Variants in SV2B observed in about 807,000 individuals in gnomAD.
The protein encoded by SV2B is synaptic vesicle glycoprotein 2B.
A neutral mutation model predicts 73.9 loss-of-function variants in SV2B; 41 were observed. The ratio of observed to expected loss-of-function variants is 0.56; its 90% CI spans 0.43 to 0.72. SV2B has a LOEUF of 0.72. Among genes scored for constraint, SV2B ranks in the 30% least tolerant of loss-of-function variants. The pLI is 0.00. For synonymous variants in SV2B, 314 were observed against 314.2 expected, an observed-to-expected ratio of 1.00 and a Z score of 0.01; for missense variants, 764 against 857.8, an observed-to-expected ratio of 0.89 and a Z score of 1.37.
intron 2 of SV2B, 63 bp from the exon 3 acceptor site, chr15:91,251,756 A>G: frequency 6.7e-7 from 1 of 1,493,438 alleles, no homozygotes; most frequent in Non-Finnish European, 9.1e-7. Context: ...TTTTGTAAAC[A>G]TTGTATAGTC....
chr15:91,185,020 C>T (rs540753019), intron 1 of SV2B, among the ~76,000 whole-genome samples: 2 of 152,302 alleles, frequency 1.3e-5, no homozygotes, highest in South Asian at 2.1e-4. Context: ...ATTCTGTCAC[C>T]GGAACTTTCT....
rs1596659535 is a variant in SV2B, at chr15:91,240,378, A to G, written c.452-11441A>G. Among the ~76,000 whole-genome samples, 1 of 152,074 alleles carries G rather than the reference A, an allele frequency of 6.6e-6. No homozygotes were observed. The highest frequency in any genetic ancestry group is 1.5e-5 in the Non-Finnish European group (1 of 68,018). On this transcript the variant is annotated intron_variant, in intron 2 of 12. Coordinates refer to ENST00000394232, the MANE Select transcript of SV2B (RefSeq NM_001323032.3). The surrounding 1 kb of genome is among the most constrained non-coding windows in gnomAD (Gnocchi z 4.6). ...GGCACACAGTAAGGATCCAGTAAATATGAGCTGGTATTTGTATATTTTTAA... is the reference window on the plus strand; with the variant it reads ...GGCACACAGTAAGGATCCAGTAAATGTGAGCTGGTATTTGTATATTTTTAA...
At position 91,254,235 on chromosome 15, in the gene SV2B, T is replaced by TTC. The variant is rs11417412; in HGVS notation, c.784+1716_784+1717insCT. ...AATACTAAGGGATTATTTTCACTTC[T>TTC]TTTTTTTTTTTTTTTTTCTGAGACA... On this transcript the variant is annotated intron_variant, in intron 4 of 12. Coordinates refer to ENST00000394232, the MANE Select transcript of SV2B (RefSeq NM_001323032.3). Among the ~76,000 whole-genome samples, 72 of 100,492 alleles carry TTC rather than the reference T, an allele frequency of 7.2e-4. 2 individuals carry two copies. Among genetic ancestry groups the TTC allele is most frequent in the Admixed American group, 1.7e-3 (20 of 11,610 alleles). The allele number at this position is 100,492 out of a possible 152,430, so 65.9% of individuals were successfully genotyped here. A position where few individuals can be genotyped will look rare whatever the true frequency, so the allele number is the denominator to read the frequency against.
In SV2B at chr15:91,280,483, T is replaced by G. The variant is rs2048649650; in HGVS notation, c.1374-1245T>G. Among the ~76,000 whole-genome samples the G allele has an allele frequency of 6.6e-6, 1 of 152,224 alleles. No homozygotes were observed. Among genetic ancestry groups the G allele is most frequent in the Admixed American group, 6.5e-5 (1 of 15,282 alleles). On this transcript the variant is annotated intron_variant, in intron 9 of 12. Transcript: ENST00000394232. The surrounding 1 kb of genome is among the most constrained non-coding windows in gnomAD (Gnocchi z 5.8). The stretch of plus-strand genomic sequence containing the variant: ...CAGTGTTTGCAGAAGACTAAATATG[T>G]AAGTGAATGAATAGAAGAATGAAAG...
Position 91,264,108 on chromosome 15 carries a change from C to G in SV2B, c.1009-2474C>G, listed in dbSNP as rs549660975. ...CAGGCACGCTGTCAGCTCCTCCCCA[C>G]TTGCGTCTTACTCTAGGGTGTCTCG... On this transcript the variant is annotated intron_variant, in intron 6 of 12. Coordinates refer to ENST00000394232, the MANE Select transcript of SV2B (RefSeq NM_001323032.3). 9.2e-5 allele frequency among the ~76,000 whole-genome samples: 14 copies of G among 152,388 alleles called. No homozygotes were observed. In the South Asian group the frequency reaches 2.9e-3, roughly 32 times the overall value.
chr15:91,221,346 G>A (rs1244290547), intron 1 of SV2B, among the ~76,000 whole-genome samples: 1 of 152,156 alleles, frequency 6.6e-6, no homozygotes, highest in Non-Finnish European at 1.5e-5. Flanking sequence ...TAGCTTGCAC[G>A]CAGGTAGTAG....
At chr15:91,145,946 G>T (rs984483639) in intron 1 of SV2B, among the ~76,000 whole-genome samples, 1 of 152,176 alleles carries the variant, frequency 6.6e-6, no homozygotes, top group African/African-American at 2.4e-5. Context: ...TGTTCATTCT[G>T]TTGATAGTTT....
At position 91,245,648 on chromosome 15, in the gene SV2B, T is replaced by C. The variant is rs1164993020; in HGVS notation, c.452-6171T>C. Among the ~76,000 whole-genome samples the C allele has an allele frequency of 2.6e-5, 4 of 152,198 alleles. No individual in the cohort carries two copies. Among genetic ancestry groups the C allele is most frequent in the Admixed American group, 6.5e-5 (1 of 15,272 alleles). On this transcript the variant is annotated intron_variant, in intron 2 of 12. Transcript: ENST00000394232. This position sits in a 1 kb window ranked among gnomAD's most constrained non-coding sequence, Gnocchi z 4.2. Reference sequence around the variant, plus strand: ...GTGCTAGAGACACAGTGTCGAACTCTCCTCAAGCAAAATCAACATGGTCCC... The same window carrying C: ...GTGCTAGAGACACAGTGTCGAACTCCCCTCAAGCAAAATCAACATGGTCCC...
chr15:91,258,540 A>C lies in SV2B; in HGVS notation c.904A>C (p.Arg302=), dbSNP rs745467646. 1.2e-6 allele frequency: 2 copies of C among 1,614,030 alleles called. No individual in the cohort carries two copies. The highest frequency in any genetic ancestry group is 1.7e-6 in the Non-Finnish European group (2 of 1,179,950). The change falls in exon 5 of 13, where the codon AGG becomes CGG. Residue 302 remains arginine (R), a synonymous_variant. Coordinates refer to ENST00000394232, the MANE Select transcript of SV2B (RefSeq NM_001323032.3). The surrounding 1 kb of genome is among the most constrained non-coding windows in gnomAD (Gnocchi z 4.7). The stretch of plus-strand genomic sequence containing the variant: ...CCTGAAGTTCATGCCAGAGAGCCCA[A>C]GGTTTCTGCTAGAGGTGAGTCAGTG... ...VALKFMPESP[R]FLLEMGKHDE... is the part of the protein sequence containing the mutation.
intron 1 of SV2B, among the ~76,000 whole-genome samples, chr15:91,166,606 T>C (rs2043920295): frequency 6.6e-6 from 1 of 151,998 alleles, no homozygotes; most frequent in African/African-American, 2.4e-5. Context: ...ACTTTTGATA[T>C]AGTTCCATAG....
chr15:91,185,892 A>G (rs1481133194), intron 1 of SV2B, among the ~76,000 whole-genome samples: 3 of 152,152 alleles, frequency 2.0e-5, no homozygotes, highest in Non-Finnish European at 2.9e-5. Flanking sequence ...ACACCACTCC[A>G]TGAGGCTAAC....
At position 91,242,748 on chromosome 15, in the gene SV2B, TA is replaced by T. The variant is rs1344616260; in HGVS notation, c.452-9070del. On this transcript the variant is annotated intron_variant, in intron 2 of 12. Transcript: ENST00000394232. The surrounding 1 kb of genome is among the most constrained non-coding windows in gnomAD (Gnocchi z 4.9). ...GAGATCTGACCCAGGAGTTACCTATTATTTTTTTAAATACGAATACTCACTT... is the reference window on the plus strand; with the variant it reads ...GAGATCTGACCCAGGAGTTACCTATTTTTTTTTAAATACGAATACTCACTT... Among the ~76,000 whole-genome samples the T allele has an allele frequency of 8.5e-5, 13 of 152,326 alleles. No homozygotes were observed. Among genetic ancestry groups the T allele is most frequent in the African/African-American group, 3.1e-4 (13 of 41,562 alleles).
Position 91,267,904 on chromosome 15 carries a change from G to A in SV2B, c.1208+261G>A, listed in dbSNP as rs938861214. On this transcript the variant is annotated intron_variant, in intron 8 of 12. Coordinates refer to ENST00000394232, the MANE Select transcript of SV2B (RefSeq NM_001323032.3). The surrounding 1 kb of genome is among the most constrained non-coding windows in gnomAD (Gnocchi z 4.3). ...TGCAGCCTGTGCCTCCTGGGTTCAA[G>A]CTATTCTCCTGCCTCAGCCTCCCCA... Among the ~76,000 whole-genome samples, 1 of 151,784 alleles carries A rather than the reference G, an allele frequency of 6.6e-6. No individual in the cohort carries two copies. Among genetic ancestry groups the A allele is most frequent in the Non-Finnish European group, 1.5e-5 (1 of 68,012 alleles).
At chr15:91,255,739 G>A (rs973104699) in intron 4 of SV2B, among the ~76,000 whole-genome samples, 1 of 152,172 alleles carries the variant, frequency 6.6e-6, no homozygotes, top group African/African-American at 2.4e-5. Context: ...TGGATGATCA[G>A]GCTTAATTGA....
In SV2B at chr15:91,240,818, C is replaced by T. The variant is rs1343431881; in HGVS notation, c.452-11001C>T. Among the ~76,000 whole-genome samples, 6 of 152,214 alleles carry T rather than the reference C, an allele frequency of 3.9e-5. No homozygotes were observed. Among genetic ancestry groups the T allele is most frequent in the Admixed American group, 6.5e-5 (1 of 15,284 alleles). On this transcript the variant is annotated intron_variant, in intron 2 of 12. Transcript: ENST00000394232. This position sits in a 1 kb window ranked among gnomAD's most constrained non-coding sequence, Gnocchi z 4.6. Reference sequence around the variant, plus strand: ...CGTTCCCCTATGTTTCCCCCTTCTCCTCTGAGGATGTTAATTAGCCCTGCA... The same window carrying T: ...CGTTCCCCTATGTTTCCCCCTTCTCTTCTGAGGATGTTAATTAGCCCTGCA...
At position 91,283,926 on chromosome 15, in the gene SV2B, G is replaced by C; in HGVS notation, c.1508-95G>C. 1 of 1,325,572 alleles carries C rather than the reference G, an allele frequency of 7.5e-7. No homozygotes were observed. The highest frequency in any genetic ancestry group is 1.1e-6 in the Non-Finnish European group (1 of 934,568). 82.1% of individuals were successfully genotyped at this position (1,325,572 alleles called of 1,614,324 possible). ...TGACTGGCAAAGGCTGGCACAGCCT[G>C]CCTACAGGAGGGGGCAGACTTCATC... On this transcript the variant is annotated intron_variant, in intron 10 of 12. Coordinates refer to ENST00000394232, the MANE Select transcript of SV2B (RefSeq NM_001323032.3). The surrounding 1 kb of genome is among the most constrained non-coding windows in gnomAD (Gnocchi z 4.3).
Position 91,268,479 on chromosome 15 carries a change from G to T in SV2B, c.1247G>T (p.Arg416Leu), listed in dbSNP as rs28575545. Residue 416 changes from arginine to leucine, a missense_variant, in exon 9 of 13, where the codon CGC (arginine) becomes CTC (leucine). Coordinates refer to ENST00000394232, the MANE Select transcript of SV2B (RefSeq NM_001323032.3). This position sits in a 1 kb window ranked among gnomAD's most constrained non-coding sequence, Gnocchi z 4.4. The part of the protein sequence containing the change: ...GLTVWFPDMI[R>L]YFQDEEYKSK... ...ACAGTTTGGTTTCCTGATATGATCC[G>T]CTATTTTCAAGATGAAGAATACAAG... The T allele has an allele frequency of 1.9e-6, 3 of 1,613,972 alleles. No homozygotes were observed. The highest frequency in any genetic ancestry group is 4.5e-5 in the East Asian group (2 of 44,870).
At chr15:91,107,074 TTG>T (rs756643602) in intron 1 of SV2B, among the ~76,000 whole-genome samples, 7 of 149,490 alleles carry the variant, frequency 4.7e-5, no homozygotes, top group Non-Finnish European at 8.9e-5. Flanking sequence ...TTGAAAGTGG[TTG>T]TGTGTGTGTG....
Position 91,197,215 on chromosome 15 carries a change from T to TG in SV2B, c.-391-28658_-391-28657insG, listed in dbSNP as rs1370409033. ...TTGTTTTGTTTTTGTGTTTTTTTTG[T>TG]TTTTTGTTTTGTTTTGTTTTGTTTT... On this transcript the variant is annotated intron_variant, in intron 1 of 12. Coordinates refer to ENST00000394232, the MANE Select transcript of SV2B (RefSeq NM_001323032.3). The surrounding 1 kb of genome is among the most constrained non-coding windows in gnomAD (Gnocchi z 4.9). Among the ~76,000 whole-genome samples the TG allele has an allele frequency of 5.3e-4, 75 of 141,062 alleles. 2 individuals carry two copies. The highest frequency in any genetic ancestry group is 2.2e-3 in the African/African-American group (69 of 31,230). 92.5% of individuals were successfully genotyped at this position (141,062 alleles called of 152,430 possible). A position where few individuals can be genotyped will look rare whatever the true frequency, so the allele number is the denominator to read the frequency against.
Sources: gnomAD v4.1 joint callset for allele counts (sites outside exome capture counted in the v4.1 genomes callset) on GRCh38, gnomAD v4.1.1 for gene constraint, Gnocchi (gnomAD v3.1) non-coding constraint, MANE v1.5 for transcripts, NCBI Gene and HGNC (gene_info 2026-07-23, HGNC 2026-07-21) for gene names.